The following MAP4K5 variants were observed in gnomAD, a reference collection of about 807,000 sequenced individuals.
MAP4K5 encodes MAPK/ERK kinase kinase kinase 5.
Under a neutral mutation model 135.6 loss-of-function variants are expected in MAP4K5, and 82 were observed. The ratio of observed to expected loss-of-function variants is 0.60; its 90% confidence interval spans 0.51 to 0.73. The LOEUF is 0.73. MAP4K5 is among the 30% of genes least tolerant of loss of function. MAP4K5 has a pLI of 0.00. For missense variants in MAP4K5, 907 were observed against 1,010.9 expected (o/e 0.90, Z 1.39); for synonymous variants, 347 against 335.0 (o/e 1.04, Z -0.39).
At chr14:50,550,560 A>G (rs2038689778) in intron 1 of MAP4K5, among the ~76,000 whole-genome samples, 1 of 152,238 alleles carries the variant, frequency 6.6e-6, no homozygotes, top group South Asian at 2.1e-4. Context: ...AACAGCACCA[A>G]TAAGGCAACC....
chr14:50,503,348 T>C lies in MAP4K5; in HGVS notation c.166+1452A>G, dbSNP rs77850691. On this transcript the variant is annotated intron_variant, in intron 3 of 32. Coordinates refer to ENST00000682126, the MANE Select transcript of MAP4K5 (RefSeq NM_006575.6). The stretch of plus-strand genomic sequence containing the variant: ...TTTTTTGGGGGACAGGTTGAAATAT[T>C]ACTCAATCTTAATACATGGGTCACA... Among the ~76,000 whole-genome samples the C allele has an allele frequency of 3.6e-3, 553 of 152,232 alleles. 3 individuals are homozygous for C. Among genetic ancestry groups the C allele is most frequent in the African/African-American group, 0.012 (519 of 41,574 alleles).
chr14:50,525,787 T>C (rs2038251573), intron 2 of MAP4K5, among the ~76,000 whole-genome samples: 1 of 152,104 alleles, frequency 6.6e-6, no homozygotes, highest in Non-Finnish European at 1.5e-5. Context: ...GAGGGTCTAG[T>C]GAGCTGAGAT....
intron 28 of MAP4K5, among the ~76,000 whole-genome samples, chr14:50,433,256 T>C (rs188441468): frequency 5.9e-5 from 9 of 152,350 alleles, no homozygotes; most frequent in Admixed American, 4.6e-4. Flanking sequence ...CATTGATCAA[T>C]AGACTTAAAA....
At chr14:50,547,096 G>T (rs2038643542) in intron 1 of MAP4K5, among the ~76,000 whole-genome samples, 1 of 152,146 alleles carries the variant, frequency 6.6e-6, no homozygotes, top group East Asian at 1.9e-4. Context: ...TTTTACTTAG[G>T]TGAACATCTT....
chr14:50,493,420 C>T (rs953928989), intron 3 of MAP4K5, among the ~76,000 whole-genome samples: 1 of 152,142 alleles, frequency 6.6e-6, no homozygotes, highest in Non-Finnish European at 1.5e-5. Context: ...CAGAGTTTCA[C>T]AGACTATTTT....
chr14:50,445,144 T>C lies in MAP4K5; in HGVS notation c.1236A>G (p.Ala412=). Residue 412 remains alanine (A), a synonymous_variant, in exon 18 of 33, where the codon GCA becomes GCG. Coordinates refer to ENST00000682126, the MANE Select transcript of MAP4K5 (RefSeq NM_006575.6). ...PEDNFPDEEK[A]STIKHCPDSE... is the part of the protein sequence containing the mutation. Reference sequence around the variant, plus strand: ...AATCAGGACAATGTTTTATGGTTGATGCTTTTTCTTCATCCGGAAAGTTGT... The same window carrying C: ...AATCAGGACAATGTTTTATGGTTGACGCTTTTTCTTCATCCGGAAAGTTGT... 6 of 1,613,644 alleles carry C rather than the reference T, an allele frequency of 3.7e-6. No homozygotes were observed. The highest frequency in any genetic ancestry group is 5.1e-6 in the Non-Finnish European group (6 of 1,179,696).
chr14:50,493,811 A>T (rs1462205821), intron 3 of MAP4K5, among the ~76,000 whole-genome samples: 6 of 152,010 alleles, frequency 3.9e-5, no homozygotes, highest in African/African-American at 1.4e-4. Context: ...AACACGGTGA[A>T]ACCCTGTCTC....
chr14:50,443,189 T>C (rs1287017505), intron 20 of MAP4K5, among the ~76,000 whole-genome samples: 1 of 152,184 alleles, frequency 6.6e-6, no homozygotes, highest in Non-Finnish European at 1.5e-5. Context: ...AACTCTTTAA[T>C]AGTCATAAGA....
chr14:50,538,959 A>T (rs773025349), intron 2 of MAP4K5, among the ~76,000 whole-genome samples: 11 of 152,170 alleles, frequency 7.2e-5, no homozygotes, highest in Non-Finnish European at 1.2e-4. Context: ...AGCTGGGACT[A>T]TGGGTGCGCA....
At chr14:50,518,526 T>G (rs1198388854) in intron 2 of MAP4K5, among the ~76,000 whole-genome samples, 1 of 152,176 alleles carries the variant, frequency 6.6e-6, no homozygotes, top group Non-Finnish European at 1.5e-5. Context: ...AGCAAGTTAC[T>G]TCCAGGCTGG....
At position 50,475,460 on chromosome 14, in the gene MAP4K5, A is replaced by T. The variant is rs141653615; in HGVS notation, c.470-311T>A. Among the ~76,000 whole-genome samples, 96 of 152,160 alleles carry T rather than the reference A, an allele frequency of 6.3e-4. No homozygotes were observed. In the East Asian group the frequency reaches 0.017, roughly 27 times the overall value. ...GCACAAAAAATAAAACACATGGGAG[A>T]AACACACACCTGTATTCCTTTTATC... On this transcript the variant is annotated intron_variant, in intron 8 of 32. Transcript: ENST00000682126.
At chr14:50,455,908 A>G (rs2036585707) in intron 14 of MAP4K5, among the ~76,000 whole-genome samples, 1 of 152,128 alleles carries the variant, frequency 6.6e-6, no homozygotes. Context: ...TATTGATAGA[A>G]AATTTTCATC....
intron 3 of MAP4K5, among the ~76,000 whole-genome samples, chr14:50,496,813 C>CAAAAA (rs2037605054): frequency 6.9e-6 from 1 of 145,828 alleles, no homozygotes; most frequent in African/African-American, 2.6e-5. Context: ...GCTCCCAGAC[C>CAAAAA]AAAAAAATAA....
At chr14:50,436,444 C>A (rs1202700649) in intron 26 of MAP4K5, among the ~76,000 whole-genome samples, 1 of 151,836 alleles carries the variant, frequency 6.6e-6, no homozygotes, top group East Asian at 1.9e-4. Context: ...CTGGTCATGC[C>A]AGAAATACAA....
chr14:50,442,515 C>T (rs2036251719), intron 21 of MAP4K5, among the ~76,000 whole-genome samples: 1 of 152,046 alleles, frequency 6.6e-6, no homozygotes, highest in Non-Finnish European at 1.5e-5. Context: ...TGTGATTTCT[C>T]TTTAGTCCTT....
intron 14 of MAP4K5, among the ~76,000 whole-genome samples, chr14:50,455,396 T>C (rs540422236): frequency 5.3e-5 from 8 of 152,000 alleles, no homozygotes; most frequent in Non-Finnish European, 8.8e-5. Flanking sequence ...ATAAAGAATA[T>C]GATGTTACAA....
rs2036599938 is a variant in MAP4K5 at position 50,456,609 on chromosome 14, A to G, written c.937-15T>C. 2.0e-6 allele frequency: 3 copies of G among 1,494,652 alleles called. No homozygotes were observed. Among genetic ancestry groups the G allele is most frequent in the Non-Finnish European group, 2.7e-6 (3 of 1,102,240 alleles). The allele number at this position is 1,494,652 out of a possible 1,614,324, so 92.6% of individuals were successfully genotyped here. A position where few individuals can be genotyped will look rare whatever the true frequency, so the allele number is the denominator to read the frequency against. On this transcript the variant is annotated splice_polypyrimidine_tract_variant and intron_variant, in intron 13 of 32. Transcript: ENST00000682126. Reference sequence around the variant, plus strand: ...ATTGCATGGGGCTGTGAATATAAGCATAATATATATACTTTAACAAATTTC... The same window carrying G: ...ATTGCATGGGGCTGTGAATATAAGCGTAATATATATACTTTAACAAATTTC...
chr14:50,559,312 A>G (rs1366985106), intron 1 of MAP4K5: 1 of 152,302 alleles, frequency 6.6e-6, no homozygotes, highest in Non-Finnish European at 1.5e-5. Flanking sequence ...AAGGGACGGC[A>G]TGATGGTATC....
intron 1 of MAP4K5, among the ~76,000 whole-genome samples, chr14:50,547,717 T>C (rs1422386689): frequency 6.6e-6 from 1 of 152,214 alleles, no homozygotes; most frequent in Non-Finnish European, 1.5e-5. Context: ...TTGTATCTGC[T>C]GCCGTACCCA....
Sources: allele counts gnomAD v4.1 joint callset (sites outside exome capture counted in the v4.1 genomes callset), GRCh38; gene constraint gnomAD v4.1.1; transcripts MANE v1.5; gene names NCBI Gene and HGNC (gene_info 2026-07-23, HGNC 2026-07-21).